PHLDB2: variants seen among roughly 807,000 people sequenced by gnomAD.
PHLDB2 encodes pleckstrin homology-like domain family B member 2.
Under a neutral mutation model 123.6 loss-of-function variants are expected in PHLDB2, and 71 were observed. That is an observed-to-expected ratio of 0.57 (90% CI 0.47 to 0.70). PHLDB2 has a LOEUF of 0.70. Among genes scored for constraint, PHLDB2 ranks in the 30% least tolerant of loss-of-function variants. The pLI, the probability that PHLDB2 is intolerant of heterozygous loss-of-function variation, is 0.00. For missense variants in PHLDB2, 1,446 were observed against 1,519.5 expected, an observed-to-expected ratio of 0.95 and a Z score of 0.80; for synonymous variants, 547 against 541.6, an observed-to-expected ratio of 1.01 and a Z score of -0.14.
chr3:111,803,032 G>A (rs1233440063), intron 1 of PHLDB2, among the ~76,000 whole-genome samples: 1 of 152,224 alleles, frequency 6.6e-6, no homozygotes, highest in Non-Finnish European at 1.5e-5. Flanking sequence ...AGGGGATGTT[G>A]TACAAAAAGT....
intron 1 of PHLDB2, among the ~76,000 whole-genome samples, chr3:111,832,016 A>C (rs1421694426): frequency 6.6e-6 from 1 of 152,130 alleles, no homozygotes; most frequent in South Asian, 2.1e-4. Context: ...GCTGCTTCCC[A>C]TGACACTGGC....
At chr3:111,958,837 GT>G in intron 12 of PHLDB2, 1 of 422,972 alleles carries the variant, frequency 2.4e-6, no homozygotes, top group Non-Finnish European at 4.6e-6. Context: ...TCCCAATCTT[GT>G]TTCTTTGCTC....
chr3:111,875,381 G>A (rs1408094936), intron 1 of PHLDB2, among the ~76,000 whole-genome samples: 1 of 151,650 alleles, frequency 6.6e-6, no homozygotes, highest in Non-Finnish European at 1.5e-5. Context: ...AACTCCCACT[G>A]TTAGGTGATC....
Position 111,762,050 on chromosome 3 carries a change from C to T in PHLDB2, c.-49+29347C>T, listed in dbSNP as rs552532727. Among the ~76,000 whole-genome samples, 4 of 152,280 alleles carry T rather than the reference C, an allele frequency of 2.6e-5. No homozygotes were observed. In the East Asian group the frequency reaches 7.7e-4, roughly 29 times the overall value. ...ATTTTATCCAAAAAGGGATGCCCCC[C>T]CAATCCCATCCGCCACATTCAGCTG... On this transcript the variant is annotated intron_variant, in intron 1 of 17. Coordinates refer to the PHLDB2 transcript ENST00000393923.
At chr3:111,791,556 T>C (rs1009282859) in intron 1 of PHLDB2, among the ~76,000 whole-genome samples, 1 of 152,206 alleles carries the variant, frequency 6.6e-6, no homozygotes, top group Non-Finnish European at 1.5e-5. Flanking sequence ...CAACTCAATC[T>C]CCCTGGTAGT....
chr3:111,974,721 TAAA>T lies in PHLDB2; in HGVS notation c.*159_*161del. On this transcript the variant is annotated 3_prime_UTR_variant, in exon 18 of 18. Transcript: ENST00000431670. ...ATCAAGACAAGTTATTTGTAAAAAA[TAAA>T]GAAGGGGTTTTAATACAAACCTTCA... 1.5e-6 allele frequency: 1 copy of T among 681,588 alleles called. No homozygotes were observed. The highest frequency in any genetic ancestry group is 2.1e-6 in the Non-Finnish European group (1 of 468,526). 42.2% of individuals were successfully genotyped at this position (681,588 alleles called of 1,614,324 possible).
At chr3:111,792,711 TA>T (rs1463052938) in intron 1 of PHLDB2, among the ~76,000 whole-genome samples, 1 of 151,592 alleles carries the variant, frequency 6.6e-6, no homozygotes, top group South Asian at 2.1e-4. Flanking sequence ...TGTCTCAAAT[TA>T]AAAAAACAAA....
intron 1 of PHLDB2, among the ~76,000 whole-genome samples, chr3:111,807,386 T>G (rs2061636850): frequency 6.6e-6 from 1 of 152,134 alleles, no homozygotes; most frequent in Admixed American, 6.6e-5. Flanking sequence ...AACTGAAGAT[T>G]AGGGTTTAAA....
At chr3:111,910,712 G>A (rs1049032510) in intron 2 of PHLDB2, among the ~76,000 whole-genome samples, 1 of 152,224 alleles carries the variant, frequency 6.6e-6, no homozygotes, top group African/African-American at 2.4e-5. Context: ...GAGTGCAGAA[G>A]GCTGAAGGGA....
At chr3:111,941,170 C>A (rs1282243270) in intron 8 of PHLDB2, among the ~76,000 whole-genome samples, 1 of 152,192 alleles carries the variant, frequency 6.6e-6, no homozygotes, top group African/African-American at 2.4e-5. Flanking sequence ...AGATCATCCT[C>A]ACCAAAGAGA....
At chr3:111,953,856 C>A in intron 11 of PHLDB2, 74 bp from the exon 12 acceptor site, 1 of 1,147,684 alleles carries the variant, frequency 8.7e-7, no homozygotes, top group Non-Finnish European at 1.3e-6. Flanking sequence ...GCTTTGGAAA[C>A]AGGGATGTGG....
intron 1 of PHLDB2, among the ~76,000 whole-genome samples, chr3:111,842,436 A>G (rs1214216290): frequency 2.0e-5 from 3 of 152,210 alleles, no homozygotes; most frequent in Non-Finnish European, 4.4e-5. Flanking sequence ...ATGCATTGCC[A>G]TCACACAAAA....
chr3:111,738,930 C>T (rs774747490), intron 1 of PHLDB2, among the ~76,000 whole-genome samples: 3 of 152,082 alleles, frequency 2.0e-5, no homozygotes, highest in Non-Finnish European at 2.9e-5. Flanking sequence ...TAGGAGACCT[C>T]GGTTGTGTTT....
At chr3:111,941,837 A>AACAAT (rs1162126940) in intron 8 of PHLDB2, among the ~76,000 whole-genome samples, 1 of 150,810 alleles carries the variant, frequency 6.6e-6, no homozygotes, top group Non-Finnish European at 1.5e-5. Context: ...AACAAAACAA[A>AACAAT]AGGAGAAGAG....
At position 111,945,280 on chromosome 3, in the gene PHLDB2, C is replaced by A; in HGVS notation, c.2410C>A (p.Leu804Ile). 6.2e-7 allele frequency: 1 copy of A among 1,608,780 alleles called. No individual in the cohort carries two copies. The highest frequency in any genetic ancestry group is 1.3e-5 in the African/African-American group (1 of 74,832). Reference protein sequence around the residue: ...IMMLQREKENLCNLEKKYSSL... With the variant: ...IMMLQREKENICNLEKKYSSL... ...TGTATTCCTTCAGGAAAAGGAGAAT[C>A]TTTGTAATTTGGAAAAGAAATACTC... is the stretch of plus-strand genomic sequence containing the variant. Residue 804 changes from leucine to isoleucine, a missense_variant, in exon 9 of 18, where the codon CTT (leucine) becomes ATT (isoleucine). This residue lies in a region of PHLDB2 where 594 missense variants were observed against 646.0 expected (regional missense o/e 0.92). Coordinates refer to ENST00000431670, the MANE Select transcript of PHLDB2 (RefSeq NM_001134438.2).
rs545336484 is a variant in PHLDB2 at position 111,903,647 on chromosome 3, T to C, written c.1336-9672T>C. 3.3e-5 allele frequency among the ~76,000 whole-genome samples: 5 copies of C among 152,344 alleles called. No homozygotes were observed. In the East Asian group the frequency reaches 7.7e-4, roughly 23 times the overall value. ...GTATTAGAGATGGTTCTTCAGAGTC[T>C]ACAAGATAATTATCTAGTTCACTTC... On this transcript the variant is annotated intron_variant, in intron 2 of 17. Coordinates refer to ENST00000431670, the MANE Select transcript of PHLDB2 (RefSeq NM_001134438.2).
chr3:111,949,503 ATAAAT>A (rs1348714963), intron 10 of PHLDB2, among the ~76,000 whole-genome samples: 1 of 152,220 alleles, frequency 6.6e-6, no homozygotes, highest in Admixed American at 6.5e-5. Flanking sequence ...GTCAATAATA[ATAAAT>A]TAAAATACCT....
chr3:111,844,506 G>C (rs892293167), intron 1 of PHLDB2, among the ~76,000 whole-genome samples: 1 of 152,078 alleles, frequency 6.6e-6, no homozygotes, highest in Non-Finnish European at 1.5e-5. Flanking sequence ...GGCTTGATGC[G>C]TTGTACCTCT....
At chr3:111,894,143 G>A (rs1400442686) in intron 2 of PHLDB2, among the ~76,000 whole-genome samples, 1 of 138,640 alleles carries the variant, frequency 7.2e-6, no homozygotes, top group Non-Finnish European at 1.5e-5. Flanking sequence ...TCCCACCTAT[G>A]AGTGAGAATA....
Sources: gnomAD v4.1 joint callset for allele counts (sites outside exome capture counted in the v4.1 genomes callset) on GRCh38, gnomAD v4.1.1 for gene constraint, gnomAD v4.1.1 regional missense constraint, MANE v1.5 for transcripts, NCBI Gene and HGNC (gene_info 2026-07-23, HGNC 2026-07-21) for gene names.